The following ERI3 variants were observed in gnomAD, a reference collection of about 807,000 sequenced individuals.
ERI3 encodes ERI1 exoribonuclease 3.
In ERI3, 18 loss-of-function variants were observed where a neutral mutation model predicts 44.4. That is an observed-to-expected ratio of 0.41 (90% confidence interval 0.28 to 0.60). The LOEUF is 0.60. ERI3 is among the 20% of genes least tolerant of loss of function. The pLI, the probability that ERI3 is intolerant of heterozygous loss-of-function variation, is 0.36. For synonymous variants in ERI3, 183 were observed against 164.8 expected, an observed-to-expected ratio of 1.11 and a Z score of -0.84; for missense variants, 294 against 435.5, an observed-to-expected ratio of 0.68 and a Z score of 2.89.
intron 4 of ERI3, among the ~76,000 whole-genome samples, chr1:44,317,214 G>A (rs534628731): frequency 2.0e-5 from 3 of 152,048 alleles, no homozygotes; most frequent in African/African-American, 7.2e-5. Context: ...CCTGCCAGAG[G>A]AACTACTTAA....
At chr1:44,271,644 G>A (rs1645089821) in intron 7 of ERI3, among the ~76,000 whole-genome samples, 1 of 152,170 alleles carries the variant, frequency 6.6e-6, no homozygotes, top group Non-Finnish European at 1.5e-5. Flanking sequence ...AGGATTAAGT[G>A]AGTTAATTCA....
chr1:44,330,399 C>A (rs1169071182), intron 3 of ERI3, among the ~76,000 whole-genome samples: 1 of 152,228 alleles, frequency 6.6e-6, no homozygotes, highest in Non-Finnish European at 1.5e-5. Context: ...GATCTCCTTA[C>A]TGGCCAACTA....
rs557213906 is a variant in ERI3, at chr1:44,237,706, G to T, written c.931+10233C>A. Among the ~76,000 whole-genome samples, 3 of 152,276 alleles carry T rather than the reference G, an allele frequency of 2.0e-5. No individual in the cohort carries two copies. In the South Asian group the frequency reaches 6.2e-4, roughly 32 times the overall value. On this transcript the variant is annotated intron_variant, in intron 8 of 8. Coordinates refer to ENST00000372257, the MANE Select transcript of ERI3 (RefSeq NM_024066.3). ...AACTAGGTGCAGCTCTGCCAGGGCA[G>T]AGGCCTCACTGTGCACATGCTCAGG... is the stretch of plus-strand genomic sequence containing the variant.
chr1:44,233,989 C>A (rs1644246506), intron 8 of ERI3, among the ~76,000 whole-genome samples: 1 of 152,170 alleles, frequency 6.6e-6, no homozygotes, highest in Non-Finnish European at 1.5e-5. Context: ...ACAATCCACT[C>A]CTTGAAGCTC....
intron 7 of ERI3, among the ~76,000 whole-genome samples, chr1:44,257,930 C>T (rs1189331796): frequency 6.6e-6 from 1 of 152,176 alleles, no homozygotes; most frequent in Admixed American, 6.5e-5. Context: ...TTCCCCAAAA[C>T]AGTCTAAGTT....
At chr1:44,326,353 G>C (rs1461187991) in intron 3 of ERI3, among the ~76,000 whole-genome samples, 2 of 152,206 alleles carry the variant, frequency 1.3e-5, no homozygotes, top group Non-Finnish European at 2.9e-5. Context: ...AGTTGGATGG[G>C]AGAAGTGAGG....
At chr1:44,306,024 C>T (rs1457759522) in intron 6 of ERI3, among the ~76,000 whole-genome samples, 1 of 152,194 alleles carries the variant, frequency 6.6e-6, no homozygotes, top group Non-Finnish European at 1.5e-5. Flanking sequence ...CCAGGAACAC[C>T]GATTAGCTGT....
chr1:44,233,938 G>A (rs74610069), intron 8 of ERI3, among the ~76,000 whole-genome samples: 65 of 152,216 alleles, frequency 4.3e-4, no homozygotes, highest in African/African-American at 1.5e-3. Flanking sequence ...TGACTCATGA[G>A]GATGAAGCTT....
intron 2 of ERI3, among the ~76,000 whole-genome samples, chr1:44,348,953 A>G (rs11580230): frequency 0.14 from 20,868 of 152,196 alleles, 1,824 homozygotes; most frequent in Non-Finnish European, 0.19. Context: ...AGTGCTGGTG[A>G]AAAGTAATTT....
In ERI3 at chr1:44,221,465, G is replaced by A; in HGVS notation, c.*93C>T. The A allele has an allele frequency of 9.5e-7, 1 of 1,052,386 alleles. No homozygotes were observed. Among genetic ancestry groups the A allele is most frequent in the Non-Finnish European group, 1.5e-6 (1 of 684,698 alleles). The allele number at this position is 1,052,386 out of a possible 1,614,324, so 65.2% of individuals were successfully genotyped here. Reference sequence around the variant, plus strand: ...GGGGACACTCTGGACACAGAGCTATGCCACTCTCCCTCTTCCCCTCTGGTG... The same window carrying A: ...GGGGACACTCTGGACACAGAGCTATACCACTCTCCCTCTTCCCCTCTGGTG... On this transcript the variant is annotated 3_prime_UTR_variant, in exon 9 of 9. Coordinates refer to ENST00000372257, the MANE Select transcript of ERI3 (RefSeq NM_024066.3). The surrounding 1 kb of genome is among the most constrained non-coding windows in gnomAD (Gnocchi z 5.9).
Position 44,221,527 on chromosome 1 carries a change from C to T in ERI3, c.*31G>A, listed in dbSNP as rs1643897449. 1 of 1,589,226 alleles carries T rather than the reference C, an allele frequency of 6.3e-7. No individual in the cohort carries two copies. On this transcript the variant is annotated 3_prime_UTR_variant, in exon 9 of 9. Transcript: ENST00000372257. The surrounding 1 kb of genome is among the most constrained non-coding windows in gnomAD (Gnocchi z 5.9). Reference sequence around the variant, plus strand: ...GATTCTGGGCTGGGCCAAACAGCTACCCTGTCCTGCCCCATCCTGTCCTCG... The same window carrying T: ...GATTCTGGGCTGGGCCAAACAGCTATCCTGTCCTGCCCCATCCTGTCCTCG...
chr1:44,337,285 T>C (rs536391758), intron 3 of ERI3, among the ~76,000 whole-genome samples: 1 of 152,352 alleles, frequency 6.6e-6, no homozygotes, highest in East Asian at 1.9e-4. Flanking sequence ...GAATCATATG[T>C]GACAGAGATG....
intron 7 of ERI3, among the ~76,000 whole-genome samples, chr1:44,278,122 G>A (rs1645215427): frequency 6.6e-6 from 1 of 152,136 alleles, no homozygotes; most frequent in African/African-American, 2.4e-5. Flanking sequence ...CCAAGTCTCT[G>A]AAATCTGACG....
intron 3 of ERI3, among the ~76,000 whole-genome samples, chr1:44,330,125 A>G (rs181780525): frequency 2.2e-3 from 339 of 152,284 alleles, no homozygotes; most frequent in Admixed American, 3.5e-3. Flanking sequence ...GGCTTATAAC[A>G]TCTATTTCTG....
intron 8 of ERI3, among the ~76,000 whole-genome samples, chr1:44,244,818 C>T (rs939715957): frequency 1.3e-5 from 2 of 152,096 alleles, no homozygotes; most frequent in African/African-American, 2.4e-5. Flanking sequence ...TCCCCACACC[C>T]GTCACCCCAA....
Position 44,224,640 on chromosome 1 carries a change from G to A in ERI3, c.932-3000C>T, listed in dbSNP as rs567014064. ...CTCCTCTTTCTGAAGAAAAGGCAAG[G>A]AAGCTAGTTTTCTGGAGGACCTAGT... On this transcript the variant is annotated intron_variant, in intron 8 of 8. Transcript: ENST00000372257. Among the ~76,000 whole-genome samples, 200 of 152,300 alleles carry A rather than the reference G, an allele frequency of 1.3e-3. 1 individual carries two copies. Among genetic ancestry groups the A allele is most frequent in the Middle Eastern group, 6.8e-3 (2 of 294 alleles).
chr1:44,291,823 C>T (rs1449719937), intron 6 of ERI3, among the ~76,000 whole-genome samples: 2 of 152,212 alleles, frequency 1.3e-5, no homozygotes, highest in African/African-American at 4.8e-5. Context: ...TCCCCAGTGA[C>T]CTCGCCTACT....
chr1:44,342,429 A>G (rs1255945609), intron 2 of ERI3, among the ~76,000 whole-genome samples: 2 of 152,078 alleles, frequency 1.3e-5, no homozygotes, highest in African/African-American at 4.8e-5. Context: ...AAGAGAAAGG[A>G]GTTAAAATAT....
At chr1:44,283,393 G>A (rs1417945861) in intron 7 of ERI3, among the ~76,000 whole-genome samples, 3 of 152,160 alleles carry the variant, frequency 2.0e-5, no homozygotes, top group African/African-American at 7.2e-5. Flanking sequence ...TGAGATAAGT[G>A]ATTTCCCAAG....
Sources: gnomAD v4.1 joint callset for allele counts (sites outside exome capture counted in the v4.1 genomes callset) on GRCh38, gnomAD v4.1.1 for gene constraint, Gnocchi (gnomAD v3.1) non-coding constraint, MANE v1.5 for transcripts, NCBI Gene and HGNC (gene_info 2026-07-23, HGNC 2026-07-21) for gene names.